KIAA1217: variants seen among roughly 807,000 people sequenced by gnomAD.
KIAA1217 encodes the protein KIAA1217, also known as sickle tail protein homolog.
KIAA1217 carries 88 observed loss-of-function variants against 163.9 expected under a neutral mutation model. That is an observed-to-expected ratio of 0.54 (90% CI 0.45 to 0.64). The LOEUF is 0.64. KIAA1217 is among the 30% of genes least tolerant of loss of function. KIAA1217 has a pLI of 0.00. For missense variants in KIAA1217, 2,372 were observed against 2,475.0 expected (o/e 0.96, Z 0.88); for synonymous variants, 903 against 923.1 (o/e 0.98, Z 0.39).
chr10:24,401,967 T>G (rs1015603301), intron 3 of KIAA1217, among the ~76,000 whole-genome samples: 1 of 152,126 alleles, frequency 6.6e-6, no homozygotes, highest in African/African-American at 2.4e-5. Context: ...CCAGAGAACA[T>G]GAAATACTTA....
intron 1 of KIAA1217, among the ~76,000 whole-genome samples, chr10:23,919,398 G>C (rs1214216325): frequency 6.6e-6 from 1 of 151,904 alleles, no homozygotes; most frequent in Non-Finnish European, 1.5e-5. Context: ...CTGAGGTCAG[G>C]AGTTCAAGAC....
intron 1 of KIAA1217, among the ~76,000 whole-genome samples, chr10:23,964,048 C>A (rs1441477893): frequency 6.6e-6 from 1 of 151,920 alleles, no homozygotes. Context: ...CGTGCACCAC[C>A]ACGCTCAGCT....
rs1229370789 is a variant in KIAA1217 at position 23,704,172 on chromosome 10, G to GTGTGTGTATA, written c.-321+8939_-321+8940insGTGTGTATAT. On this transcript the variant is annotated intron_variant, in intron 1 of 18. Transcript: ENST00000376462. Reference sequence around the variant, plus strand: ...TGTGTGTGTGTGTGTGTGTGTGTGTGTATATATATATATATATATATATAT... The same window carrying GTGTGTGTATA: ...TGTGTGTGTGTGTGTGTGTGTGTGTGTGTGTGTATATATATATATATATATATATATATAT... Among the ~76,000 whole-genome samples, 153 of 39,920 alleles carry GTGTGTGTATA rather than the reference G, an allele frequency of 3.8e-3. 3 individuals carry two copies. Among genetic ancestry groups the GTGTGTGTATA allele is most frequent in the African/African-American group, 6.3e-3 (47 of 7,468 alleles). The allele number at this position is 39,920 out of a possible 152,430, so 26.2% of individuals were successfully genotyped here.
Position 24,105,023 on chromosome 10 carries a change from A to G in KIAA1217, c.-171+97649A>G, listed in dbSNP as rs562840307. ...ACTTGGAATTTGGTGAAGATACCAAAGAAAATGTTCAAAATGATGAAACTT... is the reference window on the plus strand; with the variant it reads ...ACTTGGAATTTGGTGAAGATACCAAGGAAAATGTTCAAAATGATGAAACTT... On this transcript the variant is annotated intron_variant, in intron 2 of 18. Transcript: ENST00000376462. Among the ~76,000 whole-genome samples the G allele has an allele frequency of 1.1e-4, 17 of 152,258 alleles. No homozygotes were observed. In the South Asian group the frequency reaches 1.2e-3, roughly 11 times the overall value.
chr10:23,994,035 T>A (rs1359654649), intron 1 of KIAA1217, among the ~76,000 whole-genome samples: 1 of 152,164 alleles, frequency 6.6e-6, no homozygotes, highest in East Asian at 1.9e-4. Flanking sequence ...GGATAGCAAG[T>A]ACCAAGGCTT....
intron 1 of KIAA1217, among the ~76,000 whole-genome samples, chr10:23,959,779 C>A (rs1446794984): frequency 6.6e-6 from 1 of 151,948 alleles, no homozygotes; most frequent in Non-Finnish European, 1.5e-5. Flanking sequence ...CTTAGCAAGC[C>A]CTGTTTGTTC....
At chr10:24,092,514 A>G (rs1211744774) in intron 2 of KIAA1217, among the ~76,000 whole-genome samples, 1 of 151,798 alleles carries the variant, frequency 6.6e-6, no homozygotes, top group Non-Finnish European at 1.5e-5. Context: ...CTGTCCCTCA[A>G]CCTATGAATG....
intron 1 of KIAA1217, among the ~76,000 whole-genome samples, chr10:23,792,930 T>A (rs1040794892): frequency 4.6e-5 from 7 of 152,210 alleles, no homozygotes; most frequent in Non-Finnish European, 1.0e-4. Context: ...GCCAGTGTTA[T>A]GTTTAAATGG....
intron 17 of KIAA1217, among the ~76,000 whole-genome samples, chr10:24,539,720 C>T (rs2074716075): frequency 6.6e-6 from 1 of 152,124 alleles, no homozygotes; most frequent in Non-Finnish European, 1.5e-5. Context: ...TTCAGAATGA[C>T]CATGTATATC....
intron 2 of KIAA1217, among the ~76,000 whole-genome samples, chr10:24,344,024 T>C (rs535903286): frequency 4.6e-5 from 7 of 152,246 alleles, no homozygotes; most frequent in South Asian, 2.1e-4. Flanking sequence ...ATTTGCAAAA[T>C]TGGTTGCTCA....
intron 2 of KIAA1217, among the ~76,000 whole-genome samples, chr10:24,182,210 C>T (rs529309056): frequency 5.9e-5 from 9 of 152,204 alleles, no homozygotes; most frequent in Admixed American, 1.3e-4. Context: ...CTGAGGCAGG[C>T]GGATCACTTG....
chr10:23,931,033 AAT>A (rs889099078), intron 1 of KIAA1217, among the ~76,000 whole-genome samples: 13 of 152,192 alleles, frequency 8.5e-5, no homozygotes, highest in Non-Finnish European at 1.6e-4. Flanking sequence ...GTAGCAACAG[AAT>A]ATTCTATTAA....
intron 2 of KIAA1217, among the ~76,000 whole-genome samples, chr10:24,279,893 T>C (rs999811633): frequency 1.3e-5 from 2 of 152,252 alleles, no homozygotes; most frequent in African/African-American, 2.4e-5. Context: ...ACTAACATTC[T>C]AAGGGGGTTC....
chr10:24,107,703 T>C (rs1824347988), intron 2 of KIAA1217, among the ~76,000 whole-genome samples: 1 of 152,138 alleles, frequency 6.6e-6, no homozygotes, highest in African/African-American at 2.4e-5. Flanking sequence ...CATCACCAAG[T>C]CTAAAATTAT....
At chr10:24,206,525 T>C (rs2130557646), upstream of KIAA1217, among the ~76,000 whole-genome samples, 1 of 152,312 alleles carries the variant, frequency 6.6e-6, no homozygotes, top group African/African-American at 2.4e-5. Context: ...TGGAGAAAGA[T>C]ATGGAATAGT....
intron 1 of KIAA1217, among the ~76,000 whole-genome samples, chr10:23,840,202 C>G (rs1228831014): frequency 6.6e-6 from 1 of 151,330 alleles, no homozygotes; most frequent in African/African-American, 2.4e-5. Context: ...GTTGCCTAGG[C>G]TGGAGTGCAA....
intron 9 of KIAA1217, among the ~76,000 whole-genome samples, chr10:24,506,190 G>A (rs1271041986): frequency 6.6e-6 from 1 of 152,180 alleles, no homozygotes; most frequent in Non-Finnish European, 1.5e-5. Flanking sequence ...AAGCCTGCAG[G>A]AACAGATCCA....
chr10:24,035,514 G>GC (rs1848354958), intron 2 of KIAA1217, among the ~76,000 whole-genome samples: 1 of 152,146 alleles, frequency 6.6e-6, no homozygotes. Context: ...ACACCAATGT[G>GC]CTGATACACT....
intron 2 of KIAA1217, among the ~76,000 whole-genome samples, chr10:24,188,726 G>T (rs2066561680): frequency 6.6e-6 from 1 of 152,116 alleles, no homozygotes; most frequent in Admixed American, 6.5e-5. Context: ...AATCGTCTTT[G>T]TTAGTTCATT....
Sources: allele counts gnomAD v4.1 joint callset (sites outside exome capture counted in the v4.1 genomes callset), GRCh38; gene constraint gnomAD v4.1.1; transcripts MANE v1.5; gene names NCBI Gene and HGNC (gene_info 2026-07-23, HGNC 2026-07-21).